The following ZFP1 variants were observed in gnomAD, a reference collection of about 807,000 sequenced individuals.
ZFP1 encodes the protein zinc finger protein 1 homolog.
Under a neutral mutation model 38.5 loss-of-function variants are expected in ZFP1, and 32 were observed. The ratio of observed to expected loss-of-function variants is 0.83; its 90% CI spans 0.63 to 1.12. The LOEUF is 1.12. Ranked by LOEUF, ZFP1 falls within the 50% of genes most tolerant of loss-of-function variation. The pLI, the probability that ZFP1 is intolerant of heterozygous loss-of-function variation, is 0.00. For missense variants in ZFP1, 616 were observed against 480.8 expected (o/e 1.28, Z -2.63); for synonymous variants, 245 against 168.8 (o/e 1.45, Z -3.50).
the ZFP1 span, among the ~76,000 whole-genome samples, chr16:75,132,904 TC>T: frequency 2.9e-4 from 43 of 149,120 alleles, no homozygotes; most frequent in South Asian, 8.7e-4. Context: ...AGGTGATCCA[TC>T]CACCTCAACC....
intron 2 of ZFP1, among the ~76,000 whole-genome samples, chr16:75,165,647 A>C (rs930261167): frequency 6.6e-6 from 1 of 151,824 alleles, no homozygotes; most frequent in African/African-American, 2.4e-5. Context: ...TCGGCTTCCT[A>C]AAGTGCTGGG....
At chr16:75,131,032 C>T in the ZFP1 span, among the ~76,000 whole-genome samples, 1 of 152,152 alleles carries the variant, frequency 6.6e-6, no homozygotes, top group Admixed American at 6.5e-5. Context: ...CTCCCAACCT[C>T]CTCATTGACC....
At chr16:75,119,845 T>TCA in the ZFP1 span, among the ~76,000 whole-genome samples, 19 of 151,480 alleles carry the variant, frequency 1.3e-4, no homozygotes, top group African/African-American at 4.1e-4. Flanking sequence ...GTGGCTAAAT[T>TCA]CACACACACA....
rs140300619 is a variant in ZFP1, at chr16:75,150,891, C to G, written c.-43-2018C>G. On this transcript the variant is annotated intron_variant, in intron 1 of 3. Coordinates refer to ENST00000570010, the MANE Select transcript of ZFP1 (RefSeq NM_153688.4). ...CCAAGCTGGAGTGCAGTGGTTCAGTCACAGCTGTCTGCAACCTCAAACCTT... is the reference window on the plus strand; with the variant it reads ...CCAAGCTGGAGTGCAGTGGTTCAGTGACAGCTGTCTGCAACCTCAAACCTT... 4.0e-3 allele frequency among the ~76,000 whole-genome samples: 609 copies of G among 152,282 alleles called. 5 individuals carry two copies. Among genetic ancestry groups the G allele is most frequent in the Non-Finnish European group, 6.6e-3 (450 of 68,020 alleles).
At chr16:75,129,116 G>A in the ZFP1 span, among the ~76,000 whole-genome samples, 1 of 152,158 alleles carries the variant, frequency 6.6e-6, no homozygotes, top group Non-Finnish European at 1.5e-5. Flanking sequence ...GTCTACTGAT[G>A]TATGGACTTC....
At chr16:75,139,179 C>A in the ZFP1 span, among the ~76,000 whole-genome samples, 1 of 151,762 alleles carries the variant, frequency 6.6e-6, no homozygotes, top group African/African-American at 2.4e-5. Context: ...ACCATCCTCG[C>A]TAACACGGCG....
chr16:75,143,097 G>T, the ZFP1 span, among the ~76,000 whole-genome samples: 20 of 151,998 alleles, frequency 1.3e-4, no homozygotes, highest in Non-Finnish European at 2.5e-4. Flanking sequence ...GGAAAATCCA[G>T]ACCATATAGA....
In ZFP1 at chr16:75,159,242, C is replaced by T. The variant is rs921940162; in HGVS notation, c.15+6276C>T. Among the ~76,000 whole-genome samples, 11 of 150,302 alleles carry T rather than the reference C, an allele frequency of 7.3e-5. No individual in the cohort carries two copies. In the East Asian group the frequency reaches 7.8e-4, roughly 11 times the overall value. ...TTTCTCCTTCATTCCTTCCTTCCTT[C>T]CCTTCCCTTCCCTTCCTTTCCCTTC... On this transcript the variant is annotated intron_variant, in intron 2 of 3. Transcript: ENST00000570010.
intron 1 of ZFP1, among the ~76,000 whole-genome samples, chr16:75,150,651 ACT>A (rs2037151236): frequency 6.7e-6 from 1 of 149,550 alleles, no homozygotes; most frequent in Admixed American, 6.6e-5. Flanking sequence ...GTTTTAGTAG[ACT>A]CCTGGTCTCA....
chr16:75,157,830 C>T (rs757780498), intron 2 of ZFP1, among the ~76,000 whole-genome samples: 1 of 152,082 alleles, frequency 6.6e-6, no homozygotes, highest in African/African-American at 2.4e-5. Context: ...GGATCTGGCT[C>T]TGTTACCCAG....
chr16:75,167,618 G>T (rs551684026), intron 3 of ZFP1, among the ~76,000 whole-genome samples: 22 of 151,886 alleles, frequency 1.4e-4, no homozygotes, highest in Non-Finnish European at 3.2e-4. Context: ...ATCTTTTTTT[G>T]AGACAGGGTC....
rs981813650 is a variant in ZFP1 at position 75,171,944 on chromosome 16, G to A, written c.*1610G>A. On this transcript the variant is annotated 3_prime_UTR_variant, in exon 4 of 4. Coordinates refer to ENST00000570010, the MANE Select transcript of ZFP1 (RefSeq NM_153688.4). Reference sequence around the variant, plus strand: ...CTCTTACAACCTAGGAATCTCCTGGGAATCTATCCCTAAGGAATAAAAAGC... The same window carrying A: ...CTCTTACAACCTAGGAATCTCCTGGAAATCTATCCCTAAGGAATAAAAAGC... 6.6e-6 allele frequency: 1 copy of A among 151,998 alleles called. No homozygotes were observed. The highest frequency in any genetic ancestry group is 1.5e-5 in the Non-Finnish European group (1 of 67,998). 9.4% of individuals were successfully genotyped at this position (151,998 alleles called of 1,614,324 possible). A position where few individuals can be genotyped will look rare whatever the true frequency, so the allele number is the denominator to read the frequency against.
chr16:75,136,780 A>G, the ZFP1 span, among the ~76,000 whole-genome samples: 2 of 152,268 alleles, frequency 1.3e-5, no homozygotes, highest in Non-Finnish European at 2.9e-5. Context: ...CTGAGGCAGG[A>G]AGACTGCTTG....
the ZFP1 span, chr16:75,127,832 G>C: frequency 3.9e-5 from 6 of 152,282 alleles, no homozygotes; most frequent in Admixed American, 3.9e-4. Flanking sequence ...GCTTTTCAGA[G>C]TCAAGAAAAC....
chr16:75,169,624 T>A lies in ZFP1; in HGVS notation c.514T>A (p.Phe172Ile). 1 of 1,592,734 alleles carries A rather than the reference T, an allele frequency of 6.3e-7. No homozygotes were observed. Among genetic ancestry groups the A allele is most frequent in the Non-Finnish European group, 8.5e-7 (1 of 1,174,018 alleles). ...AGCCCTCAGCCATAAAGCAGCCATT[T>A]TTAAACATCAGAAAATAAAAAACTT... is the stretch of plus-strand genomic sequence containing the variant. Reference protein sequence around the residue: ...GKALSHKAAIFKHQKIKNLVQ... With the variant: ...GKALSHKAAIIKHQKIKNLVQ... Residue 172 changes from phenylalanine to isoleucine, a missense_variant, in exon 4 of 4, where the codon TTT becomes ATT. Coordinates refer to ENST00000570010, the MANE Select transcript of ZFP1 (RefSeq NM_153688.4).
chr16:75,154,573 G>GTTTTTTTTTTT (rs33986637), intron 2 of ZFP1, among the ~76,000 whole-genome samples: 2 of 111,246 alleles, frequency 1.8e-5, no homozygotes, highest in African/African-American at 3.3e-5. Context: ...ATGAATGAGA[G>GTTTTTTTTTTT]TTTTTTTTTT....
At chr16:75,131,842 GTAATCTCAGC>G in the ZFP1 span, among the ~76,000 whole-genome samples, 1 of 151,996 alleles carries the variant, frequency 6.6e-6, no homozygotes, top group East Asian at 1.9e-4. Context: ...GCAGACACCT[GTAATCTCAGC>G]TACTTGGGAG....
At chr16:75,139,308 G>T in the ZFP1 span, among the ~76,000 whole-genome samples, 1 of 135,644 alleles carries the variant, frequency 7.4e-6, no homozygotes, top group Non-Finnish European at 1.5e-5. Context: ...GTCGGAGCTT[G>T]CAGTGAGCCG....
At chr16:75,140,412 A>C in the ZFP1 span, among the ~76,000 whole-genome samples, 1 of 152,006 alleles carries the variant, frequency 6.6e-6, no homozygotes, top group Non-Finnish European at 1.5e-5. Context: ...CTACAAAAAG[A>C]AAAAAAATTG....
Sources: gnomAD v4.1 joint callset for allele counts (sites outside exome capture counted in the v4.1 genomes callset) on GRCh38, gnomAD v4.1.1 for gene constraint, MANE v1.5 for transcripts, NCBI Gene and HGNC (gene_info 2026-07-23, HGNC 2026-07-21) for gene names.